The following MTF2 variants were observed in gnomAD, a reference collection of about 807,000 sequenced individuals.
MTF2 encodes metal-response element-binding transcription factor 2.
In MTF2, 11 loss-of-function variants were observed where a neutral mutation model predicts 79.5. The ratio of observed to expected loss-of-function variants is 0.14; its 90% CI spans 0.09 to 0.23. The LOEUF is 0.23. MTF2 is among the 10% of genes least tolerant of loss of function. The probability of loss-of-function intolerance (pLI) is 1.00; values close to 1 mark genes in which losing one functional copy is unlikely to be tolerated. For synonymous variants in MTF2, 208 were observed against 232.8 expected, an observed-to-expected ratio of 0.89 and a Z score of 0.97; for missense variants, 486 against 711.2, an observed-to-expected ratio of 0.68 and a Z score of 3.60.
At chr1:93,133,300 T>A (rs1200975235) in intron 11 of MTF2, among the ~76,000 whole-genome samples, 1 of 152,140 alleles carries the variant, frequency 6.6e-6, no homozygotes, top group Non-Finnish European at 1.5e-5. Context: ...TAGTCATTTT[T>A]AGTAGTAAAT....
At chr1:93,104,762 T>C (rs1168748923) in intron 1 of MTF2, among the ~76,000 whole-genome samples, 1 of 151,886 alleles carries the variant, frequency 6.6e-6, no homozygotes, top group Non-Finnish European at 1.5e-5. Flanking sequence ...TCCTTAAATA[T>C]AGGCGTTTCT....
chr1:93,090,945 G>A (rs1655051494), intron 1 of MTF2, among the ~76,000 whole-genome samples: 1 of 152,160 alleles, frequency 6.6e-6, no homozygotes, highest in South Asian at 2.1e-4. Context: ...TTACAGGCGT[G>A]AGCCACCGCA....
At chr1:93,125,588 A>G (rs1280123700) in intron 9 of MTF2, among the ~76,000 whole-genome samples, 2 of 152,042 alleles carry the variant, frequency 1.3e-5, no homozygotes, top group Non-Finnish European at 2.9e-5. Context: ...TGAAAACAAG[A>G]TCAATTAACA....
In MTF2 at chr1:93,110,255, C is replaced by G. The variant is rs774487835; in HGVS notation, c.31C>G (p.Leu11Val). The change falls in exon 2 of 15, where the codon CTG becomes GTG. Residue 11 changes from leucine (L) to valine (V), a missense_variant. Physicochemically the swap from Leu to Val is conservative, Grantham distance 32. Coordinates refer to ENST00000370298, the MANE Select transcript of MTF2 (RefSeq NM_007358.4). The stretch of plus-strand genomic sequence containing the variant: ...AGACTCTACAGGGGCAGGTAATTCA[C>G]TGGTCCACAAGCGGTCTCCTTTACG... MRDSTGAGNS[L>V]VHKRSPLRRN... 7 of 1,613,966 alleles carry G rather than the reference C, an allele frequency of 4.3e-6. No homozygotes were observed. Among genetic ancestry groups the G allele is most frequent in the Middle Eastern group, 1.6e-4 (1 of 6,084 alleles).
At chr1:93,080,481 T>C (rs1367751714) in intron 1 of MTF2, among the ~76,000 whole-genome samples, 1 of 152,202 alleles carries the variant, frequency 6.6e-6, no homozygotes, top group Non-Finnish European at 1.5e-5. Context: ...GGAATGTTAC[T>C]CTATTCTTTA....
chr1:93,104,181 C>A (rs1055997985), intron 1 of MTF2, among the ~76,000 whole-genome samples: 3 of 147,908 alleles, frequency 2.0e-5, no homozygotes, highest in Admixed American at 6.8e-5. Context: ...CTCAAGTGAT[C>A]CTCCTGCCTC....
intron 1 of MTF2, among the ~76,000 whole-genome samples, chr1:93,093,454 A>G (rs948251869): frequency 6.6e-5 from 10 of 152,068 alleles, no homozygotes; most frequent in African/African-American, 2.4e-4. Flanking sequence ...GTTCTGCTCT[A>G]ATTTGGACTG....
At chr1:93,080,585 C>T (rs1362932396) in intron 1 of MTF2, among the ~76,000 whole-genome samples, 1 of 152,114 alleles carries the variant, frequency 6.6e-6, no homozygotes, top group Non-Finnish European at 1.5e-5. Context: ...AGGAAGGCAC[C>T]ATGTGAGGTC....
intron 3 of MTF2, among the ~76,000 whole-genome samples, chr1:93,111,089 G>A (rs1656011210): frequency 6.6e-6 from 1 of 152,114 alleles, no homozygotes; most frequent in South Asian, 2.1e-4. Flanking sequence ...ATGTTTAAAT[G>A]GGAAAATGAG....
At chr1:93,084,777 G>A (rs1654768045) in intron 1 of MTF2, among the ~76,000 whole-genome samples, 2 of 152,168 alleles carry the variant, frequency 1.3e-5, no homozygotes. Context: ...GATTGGGTAG[G>A]AGGATTGCTT....
intron 3 of MTF2, among the ~76,000 whole-genome samples, chr1:93,111,608 G>T (rs572814498): frequency 1.6e-4 from 25 of 152,212 alleles, no homozygotes; most frequent in African/African-American, 4.3e-4. Context: ...GGGCTTAGGT[G>T]GGGAACTAAG....
intron 9 of MTF2, among the ~76,000 whole-genome samples, chr1:93,124,535 G>T (rs1656614215): frequency 6.6e-6 from 1 of 151,982 alleles, no homozygotes; most frequent in African/African-American, 2.4e-5. Flanking sequence ...TCTGAGGGAG[G>T]TAGGGAGAAA....
At position 93,114,704 on chromosome 1, in the gene MTF2, G is replaced by C. The variant is rs375696141; in HGVS notation, c.303G>C (p.Gly101=). ...KDIQTGATGS[G]EMVCTICQEE... is the part of the protein sequence containing the mutation. ...ATATTTTAGGAGCCACTGGAAGTGG[G>C]GAAATGGTCTGTACAATATGTCAAG... is the stretch of plus-strand genomic sequence containing the variant. The change falls in exon 4 of 15, where the codon GGG becomes GGC. Residue 101 remains glycine, a synonymous_variant. Coordinates refer to ENST00000370298, the MANE Select transcript of MTF2 (RefSeq NM_007358.4). The C allele has an allele frequency of 1.9e-6, 3 of 1,603,192 alleles. No homozygotes were observed. Among genetic ancestry groups the C allele is most frequent in the Non-Finnish European group, 1.7e-6 (2 of 1,177,046 alleles).
chr1:93,114,432 A>C (rs1656164718), intron 3 of MTF2, among the ~76,000 whole-genome samples: 1 of 152,234 alleles, frequency 6.6e-6, no homozygotes, highest in Non-Finnish European at 1.5e-5. Flanking sequence ...ATGAGTAATA[A>C]GGGAAGATGC....
chr1:93,085,830 A>G (rs1054541010), intron 1 of MTF2, among the ~76,000 whole-genome samples: 2 of 152,204 alleles, frequency 1.3e-5, no homozygotes, highest in Non-Finnish European at 2.9e-5. Context: ...GTCACACTGC[A>G]GAACTTGAGT....
intron 11 of MTF2, 110 bp downstream of exon 11, chr1:93,129,558 ATTTTTT>A (rs200494793): frequency 6.9e-5 from 31 of 447,960 alleles, no homozygotes; most frequent in South Asian, 8.9e-5. Context: ...AGTTACTCTG[ATTTTTT>A]TTTTTTTTTT....
At chr1:93,130,214 T>C (rs1157379972) in intron 11 of MTF2, among the ~76,000 whole-genome samples, 1 of 152,150 alleles carries the variant, frequency 6.6e-6, no homozygotes, top group Non-Finnish European at 1.5e-5. Flanking sequence ...TAGGGTCTTG[T>C]AGGTCTTACA....
intron 8 of MTF2, chr1:93,120,222 C>T (rs898589668): frequency 1.1e-4 from 17 of 156,032 alleles, no homozygotes; most frequent in Admixed American, 6.8e-4. Flanking sequence ...CTTGAACCCA[C>T]GGGGCGGAAG....
At position 93,136,904 on chromosome 1, in the gene MTF2, C is replaced by T. The variant is rs1385539624; in HGVS notation, c.1659C>T (p.Thr553=). 6.2e-7 allele frequency: 1 copy of T among 1,613,924 alleles called. No homozygotes were observed. Among genetic ancestry groups the T allele is most frequent in the Non-Finnish European group, 8.5e-7 (1 of 1,180,000 alleles). ...LQLNHLKNSI[T]SYFGAAGRIA... is the part of the protein sequence containing the mutation. The stretch of plus-strand genomic sequence containing the variant: ...TCAATCATCTAAAGAACTCCATTAC[C>T]AGTTATTTTGGTGCTGCAGGTAGAA... The change falls in exon 15 of 15, where the codon ACC becomes ACT. Residue 553 remains threonine, a synonymous_variant. Transcript: ENST00000370298.
Sources: gnomAD v4.1 joint callset for allele counts (sites outside exome capture counted in the v4.1 genomes callset) on GRCh38, gnomAD v4.1.1 for gene constraint, MANE v1.5 for transcripts, NCBI Gene and HGNC (gene_info 2026-07-23, HGNC 2026-07-21) for gene names.